NSD2: variants seen among roughly 807,000 people sequenced by gnomAD.
NSD2 encodes histone-lysine N-methyltransferase NSD2.
A neutral mutation model predicts 139.0 loss-of-function variants in NSD2; 12 were observed. The observed-to-expected ratio is 0.09, with a 90% CI of 0.06 to 0.14. The LOEUF (loss-of-function observed/expected upper bound fraction) is 0.14, where lower values mean the gene tolerates loss of function less well. NSD2 is among the 10% of genes least tolerant of loss of function. NSD2 has a pLI of 1.00. For missense variants in NSD2, 1,155 were observed against 1,745.0 expected (o/e 0.66, Z 6.02); for synonymous variants, 669 against 648.7 (o/e 1.03, Z -0.48).
In NSD2 at chr4:1,900,607, C is replaced by G. The variant is rs770598330; in HGVS notation, c.-29-19C>G. 1 of 1,455,794 alleles carries G rather than the reference C, an allele frequency of 6.9e-7. No individual in the cohort carries two copies. The highest frequency in any genetic ancestry group is 9.2e-7 in the Non-Finnish European group (1 of 1,091,370). 90.2% of individuals were successfully genotyped at this position (1,455,794 alleles called of 1,614,324 possible). ...TGTAATTGCTTTTTCTTTCTTTTTT[C>G]TTTTTTTTAATACCATAGTGTTCTA... On this transcript the variant is annotated intron_variant, in intron 1 of 21. Coordinates refer to ENST00000508803, the MANE Select transcript of NSD2 (RefSeq NM_001042424.3).
intron 1 of NSD2, among the ~76,000 whole-genome samples, chr4:1,885,724 T>C (rs1715035610): frequency 6.6e-6 from 1 of 152,040 alleles, no homozygotes; most frequent in African/African-American, 2.4e-5. Context: ...TTGGTACCCA[T>C]GCACTGCTCC....
chr4:1,960,027 A>G (rs1354688814), intron 17 of NSD2, among the ~76,000 whole-genome samples: 1 of 151,558 alleles, frequency 6.6e-6, no homozygotes, highest in Non-Finnish European at 1.5e-5. Flanking sequence ...TGCCCTAATA[A>G]TTTTATTTTT....
At chr4:1,925,510 T>G (rs1415655375) in intron 5 of NSD2, among the ~76,000 whole-genome samples, 1 of 144,414 alleles carries the variant, frequency 6.9e-6, no homozygotes, top group Admixed American at 7.1e-5. Context: ...GCGATTCTCC[T>G]GCCTCAGCCT....
chr4:1,960,235 C>T (rs1300792780), intron 17 of NSD2, among the ~76,000 whole-genome samples: 1 of 152,214 alleles, frequency 6.6e-6, no homozygotes, highest in Non-Finnish European at 1.5e-5. Flanking sequence ...CTATAACTCA[C>T]ACATTCCCTT....
rs538182376 is a variant in NSD2, at chr4:1,930,903, G to C, written c.1555+133G>C. ...TCTGACCCGTGGGGTTTGGGCCAGC[G>C]GTCCAAGTGCGTGTGGTCACAGTAA... On this transcript the variant is annotated intron_variant, in intron 6 of 21. Transcript: ENST00000508803. The C allele has an allele frequency of 5.3e-6, 6 of 1,142,790 alleles. No homozygotes were observed. The Admixed American group carries it at 1.6e-4, about 31-fold the overall frequency. 70.8% of individuals were successfully genotyped at this position (1,142,790 alleles called of 1,614,324 possible).
intron 1 of NSD2, among the ~76,000 whole-genome samples, chr4:1,873,833 A>G (rs1468005394): frequency 3.3e-5 from 5 of 152,178 alleles, no homozygotes; most frequent in Non-Finnish European, 7.3e-5. Context: ...TCATAATCCA[A>G]ACGTATTTTG....
At chr4:1,962,937 G>C (rs1029868346) in intron 18 of NSD2, among the ~76,000 whole-genome samples, 1 of 152,168 alleles carries the variant, frequency 6.6e-6, no homozygotes, top group Non-Finnish European at 1.5e-5. Flanking sequence ...GCACCACCCA[G>C]GGGATAAGCT....
At chr4:1,940,790 C>T (rs1185593089) in intron 9 of NSD2, 1 of 1,059,070 alleles carries the variant, frequency 9.4e-7, no homozygotes, top group Non-Finnish European at 1.1e-6. Context: ...GGGTGTGCCT[C>T]AGTTGTTTCC....
chr4:1,941,153 G>A, intron 9 of NSD2: 1 of 1,054,086 alleles, frequency 9.5e-7, no homozygotes, highest in Non-Finnish European at 1.1e-6. Context: ...TTTCTTTCTT[G>A]TCCAAGTTCA....
intron 18 of NSD2, among the ~76,000 whole-genome samples, chr4:1,966,679 A>G (rs1161529374): frequency 6.6e-6 from 1 of 151,792 alleles, no homozygotes; most frequent in African/African-American, 2.4e-5. Flanking sequence ...AAAAAGAGAC[A>G]TACATTTAAA....
intron 12 of NSD2, among the ~76,000 whole-genome samples, chr4:1,953,755 C>T (rs981669850): frequency 1.3e-5 from 2 of 151,912 alleles, no homozygotes; most frequent in African/African-American, 4.8e-5. Flanking sequence ...AGGAGAGGGG[C>T]AACCTTTGGA....
chr4:1,921,325 G>A (rs1008546775), intron 5 of NSD2, among the ~76,000 whole-genome samples: 2 of 152,042 alleles, frequency 1.3e-5, no homozygotes, highest in East Asian at 3.9e-4. Context: ...TGGGCATGGT[G>A]GCGTGCGCCT....
At chr4:1,924,788 A>G (rs1479429351) in intron 5 of NSD2, among the ~76,000 whole-genome samples, 3 of 151,758 alleles carry the variant, frequency 2.0e-5, no homozygotes, top group Non-Finnish European at 4.4e-5. Context: ...TTAACGGGGC[A>G]TGATGGTGCA....
chr4:1,874,117 A>C (rs1356751014), intron 1 of NSD2, among the ~76,000 whole-genome samples: 2 of 152,154 alleles, frequency 1.3e-5, no homozygotes, highest in Non-Finnish European at 2.9e-5. Context: ...AAGGCTTTTT[A>C]CTCATATATT....
intron 4 of NSD2, among the ~76,000 whole-genome samples, chr4:1,917,397 A>G (rs1294158656): frequency 2.6e-5 from 4 of 152,216 alleles, no homozygotes; most frequent in Non-Finnish European, 5.9e-5. Context: ...TGTTGGGCTG[A>G]ATTCTAAAAT....
At chr4:1,899,381 C>G (rs886059313) in intron 1 of NSD2, 3 of 152,228 alleles carry the variant, frequency 2.0e-5, no homozygotes, top group Non-Finnish European at 4.4e-5. Context: ...CATCCATGAC[C>G]GCAACCCATC....
rs1723144992 is a variant in NSD2 at position 1,941,948 on chromosome 4, G to T, written c.1881+2170G>T. 8.3e-6 allele frequency: 9 copies of T among 1,078,662 alleles called. No individual in the cohort carries two copies. In the East Asian group the frequency reaches 4.3e-4, roughly 52 times the overall value. 66.8% of individuals were successfully genotyped at this position (1,078,662 alleles called of 1,614,324 possible). A position where few individuals can be genotyped will look rare whatever the true frequency, so the allele number is the denominator to read the frequency against. ...CCTGTTGACTGCTGGGCCCGATTCTGATATGAGTTAGGTGACCATGAGAAT... is the reference window on the plus strand; with the variant it reads ...CCTGTTGACTGCTGGGCCCGATTCTTATATGAGTTAGGTGACCATGAGAAT... On this transcript the variant is annotated intron_variant, in intron 9 of 21. Transcript: ENST00000508803.
Position 1,976,343 on chromosome 4 carries a change from C to G in NSD2, c.3622-132C>G. The G allele has an allele frequency of 7.3e-6, 7 of 961,464 alleles. No individual in the cohort carries two copies. Among genetic ancestry groups the G allele is most frequent in the Non-Finnish European group, 1.1e-5 (7 of 637,732 alleles). The allele number at this position is 961,464 out of a possible 1,614,324, so 59.6% of individuals were successfully genotyped here. A position where few individuals can be genotyped will look rare whatever the true frequency, so the allele number is the denominator to read the frequency against. ...TCTGGGGAGCACGAGGAGGACACTC[C>G]TCTCCTCTCCTCTTAGTGTTGGGCA... On this transcript the variant is annotated intron_variant, in intron 20 of 21. Transcript: ENST00000508803. The surrounding 1 kb of genome is among the most constrained non-coding windows in gnomAD (Gnocchi z 5.3).
intron 1 of NSD2, among the ~76,000 whole-genome samples, chr4:1,900,348 G>C (rs1716985485): frequency 6.6e-6 from 1 of 152,174 alleles, no homozygotes; most frequent in South Asian, 2.1e-4. Context: ...CCACACTGTA[G>C]ATTATTAGTG....
Sources: gnomAD v4.1 joint callset for allele counts (sites outside exome capture counted in the v4.1 genomes callset) on GRCh38, gnomAD v4.1.1 for gene constraint, Gnocchi (gnomAD v3.1) non-coding constraint, MANE v1.5 for transcripts, NCBI Gene and HGNC (gene_info 2026-07-23, HGNC 2026-07-21) for gene names.